CES3: variants seen among roughly 807,000 people sequenced by gnomAD.
CES3 encodes the protein carboxylesterase 3 (brain).
A neutral mutation model predicts 57.6 loss-of-function variants in CES3; 49 were observed. The ratio of observed to expected loss-of-function variants is 0.85; its 90% CI spans 0.68 to 1.08. The LOEUF (loss-of-function observed/expected upper bound fraction) is 1.08, where lower values mean the gene tolerates loss of function less well. Among genes scored for constraint, CES3 ranks in the 50% least tolerant of loss-of-function variants. CES3 has a pLI of 0.00. For synonymous variants in CES3, 266 were observed against 281.6 expected (o/e 0.94, Z 0.55); for missense variants, 645 against 742.0 (o/e 0.87, Z 1.52).
In CES3 at chr16:66,964,505, G is replaced by A. The variant is rs763462480; in HGVS notation, c.709G>A (p.Gly237Ser). ...GGSAGGSIIS[G>S]LVLSPVAAGL... The stretch of plus-strand genomic sequence containing the variant: ...ATCTGCCGGTGGGAGCATCATCTCT[G>A]GCCTGGTAAGTCACTATAGGGGGCT... Residue 237 changes from glycine to serine, a missense_variant, in exon 5 of 13, where the codon GGC (glycine) becomes AGC (serine). Physicochemically the swap from Gly to Ser is moderately conservative, Grantham distance 56. Transcript: ENST00000303334. 2.5e-6 allele frequency: 4 copies of A among 1,613,806 alleles called. No homozygotes were observed. The highest frequency in any genetic ancestry group is 3.4e-6 in the Non-Finnish European group (4 of 1,179,920).
Position 66,974,011 on chromosome 16 carries a change from C to T in CES3, c.*962C>T, listed in dbSNP as rs17617940. ...GGGAGGGCATCTGGACCAGGGCATCCGTCGGGCTATTGTCACAGAGAAAAG... is the reference window on the plus strand; with the variant it reads ...GGGAGGGCATCTGGACCAGGGCATCTGTCGGGCTATTGTCACAGAGAAAAG... On this transcript the variant is annotated 3_prime_UTR_variant, in exon 13 of 13. Coordinates refer to ENST00000303334, the MANE Select transcript of CES3 (RefSeq NM_024922.6). 8,586 of 152,372 alleles carry T rather than the reference C, an allele frequency of 0.056. 253 individuals are homozygous for T. The highest frequency in any genetic ancestry group is 0.07 in the African/African-American group (2,911 of 41,468). 9.4% of individuals were successfully genotyped at this position (152,372 alleles called of 1,614,324 possible).
Position 66,963,877 on chromosome 16 carries a change from T to C in CES3, c.502T>C (p.Tyr168His). The change falls in exon 4 of 13, where the codon TAT becomes CAT. Residue 168 changes from tyrosine (Y) to histidine (H), a missense_variant. Coordinates refer to ENST00000303334, the MANE Select transcript of CES3 (RefSeq NM_024922.6). This position sits in a 1 kb window ranked among gnomAD's most constrained non-coding sequence, Gnocchi z 4.9. ...CTACGATGGATCAGCTCTGGCTGCC[T>C]ATGGGGATGTGGTCGTGGTTACAGT... ...TSYDGSALAA[Y>H]GDVVVVTVQY... is the part of the protein sequence containing the mutation. 1 of 1,614,186 alleles carries C rather than the reference T, an allele frequency of 6.2e-7. No homozygotes were observed. Among genetic ancestry groups the C allele is most frequent in the Non-Finnish European group, 8.5e-7 (1 of 1,180,004 alleles).
chr16:66,963,579 G>A lies in CES3; in HGVS notation c.376G>A (p.Val126Ile), dbSNP rs1963684833. The A allele has an allele frequency of 6.2e-7, 1 of 1,614,194 alleles. No homozygotes were observed. The highest frequency in any genetic ancestry group is 1.3e-5 in the African/African-American group (1 of 75,060). ...QIFSVSEDCL[V>I]LNVYSPAEVP... ...CTTCTCCGTTTCAGAGGACTGCCTG[G>A]TCCTCAACGTCTATAGCCCAGCTGA... The change falls in exon 3 of 13, where the codon GTC (valine) becomes ATC (isoleucine). Residue 126 changes from valine (V) to isoleucine (I), a missense_variant. Val to Ile is a conservative substitution (Grantham distance 29). Coordinates refer to ENST00000303334, the MANE Select transcript of CES3 (RefSeq NM_024922.6). The surrounding 1 kb of genome is among the most constrained non-coding windows in gnomAD (Gnocchi z 4.9).
In CES3 at chr16:66,966,364, G is replaced by A. The variant is rs67674179; in HGVS notation, c.921+19G>A. ...GAAGCTGGTATGGCCACCCTTTTGG[G>A]GATGGTGCCGGGCAATGGCACAGAG... On this transcript the variant is annotated intron_variant, in intron 7 of 12. Coordinates refer to ENST00000303334, the MANE Select transcript of CES3 (RefSeq NM_024922.6). The A allele has an allele frequency of 0.052, 83,465 of 1,609,800 alleles. 2,404 individuals carry two copies. Among genetic ancestry groups the A allele is most frequent in the African/African-American group, 0.071 (5,333 of 74,966 alleles).
At chr16:66,972,212 G>C in intron 10 of CES3, 144 bp from the exon 11 acceptor site, 1 of 753,002 alleles carries the variant, frequency 1.3e-6, no homozygotes. Context: ...CCTAGCAAGC[G>C]CTCAGTAAAT....
Position 66,963,606 on chromosome 16 carries a change from G to A in CES3, c.403G>A (p.Val135Ile), listed in dbSNP as rs1963685234. ...LVLNVYSPAE[V>I]PAGSGRPVMV... The stretch of plus-strand genomic sequence containing the variant: ...CCTCAACGTCTATAGCCCAGCTGAG[G>A]TCCCCGCAGGGTCCGGTAGGCCGGT... The change falls in exon 3 of 13, where the codon GTC (valine) becomes ATC (isoleucine). Residue 135 changes from valine to isoleucine, a missense_variant. Transcript: ENST00000303334. This position sits in a 1 kb window ranked among gnomAD's most constrained non-coding sequence, Gnocchi z 4.9. 6 of 1,614,062 alleles carry A rather than the reference G, an allele frequency of 3.7e-6. No individual in the cohort carries two copies. Among genetic ancestry groups the A allele is most frequent in the African/African-American group, 1.3e-5 (1 of 74,930 alleles).
At chr16:66,971,441 T>C in intron 10 of CES3, 122 bp downstream of exon 10, 1 of 928,134 alleles carries the variant, frequency 1.1e-6, no homozygotes. Flanking sequence ...CACACCCCAC[T>C]GCCCCCCACC....
rs1487713716 is a variant in CES3, at chr16:66,963,730, T to C, written c.427-72T>C. 3.7e-6 allele frequency: 6 copies of C among 1,609,624 alleles called. No individual in the cohort carries two copies. Among genetic ancestry groups the C allele is most frequent in the African/African-American group, 1.3e-5 (1 of 74,826 alleles). On this transcript the variant is annotated intron_variant, in intron 3 of 12. Coordinates refer to ENST00000303334, the MANE Select transcript of CES3 (RefSeq NM_024922.6). The surrounding 1 kb of genome is among the most constrained non-coding windows in gnomAD (Gnocchi z 4.9). Reference sequence around the variant, plus strand: ...CAAAGCACCCTAGCGGTCCTGAGACTGCCTGGGCTGGCAGGTGGGCAGCTA... The same window carrying C: ...CAAAGCACCCTAGCGGTCCTGAGACCGCCTGGGCTGGCAGGTGGGCAGCTA...
chr16:66,971,159 C>T lies in CES3; in HGVS notation c.1144-13C>T, dbSNP rs988887253. ...GCACCCTGAGCAGGGCTGAGCCTGGCCTCTTGCCCCAGGATGTGCCCCCTG... is the reference window on the plus strand; with the variant it reads ...GCACCCTGAGCAGGGCTGAGCCTGGTCTCTTGCCCCAGGATGTGCCCCCTG... On this transcript the variant is annotated splice_polypyrimidine_tract_variant and intron_variant, in intron 9 of 12. Transcript: ENST00000303334. The T allele has an allele frequency of 2.5e-6, 4 of 1,609,128 alleles. No individual in the cohort carries two copies. The African/African-American group carries it at 4.0e-5, about 16-fold the overall frequency.
At position 66,963,658 on chromosome 16, in the gene CES3, T is replaced by G. The variant is rs1411288809; in HGVS notation, c.426+29T>G. 1 of 1,613,824 alleles carries G rather than the reference T, an allele frequency of 6.2e-7. No individual in the cohort carries two copies. On this transcript the variant is annotated intron_variant, in intron 3 of 12. Transcript: ENST00000303334. The surrounding 1 kb of genome is among the most constrained non-coding windows in gnomAD (Gnocchi z 4.9). ...GGCACCCCAGAGGGCCCTGTCCACC[T>G]GATCCAGCTCCACTATGCCTACCTG...
rs534080023 is a variant in CES3 at position 66,972,262 on chromosome 16, C to G, written c.1292-94C>G. 1.1e-5 allele frequency: 14 copies of G among 1,226,618 alleles called. 1 individual carries two copies. In the South Asian group the frequency reaches 1.2e-4, roughly 10 times the overall value. 76.0% of individuals were successfully genotyped at this position (1,226,618 alleles called of 1,614,324 possible). The stretch of plus-strand genomic sequence containing the variant: ...ATTTTATCATCATCATCATCATCAT[C>G]ATGGAAATTGGTGTTATTATGAGCA... On this transcript the variant is annotated intron_variant, in intron 10 of 12. Coordinates refer to ENST00000303334, the MANE Select transcript of CES3 (RefSeq NM_024922.6).
chr16:66,966,417 A>T, intron 7 of CES3, 72 bp downstream of exon 7: 1 of 1,464,116 alleles, frequency 6.8e-7, no homozygotes, highest in Non-Finnish European at 9.4e-7. Context: ...CTGCAGGAGC[A>T]GAGGGGCAGT....
At chr16:66,967,860 C>T (rs565785686) in intron 8 of CES3, 14 of 670,532 alleles carry the variant, frequency 2.1e-5, no homozygotes, top group African/African-American at 1.8e-4. Context: ...CTCTCAGGCC[C>T]GAGCAATCCT....
chr16:66,971,182 CT>C lies in CES3; in HGVS notation c.1155del (p.Glu386ArgfsTer2). 3 of 1,613,442 alleles carry C rather than the reference CT, an allele frequency of 1.9e-6. No individual in the cohort carries two copies. Among genetic ancestry groups the C allele is most frequent in the Middle Eastern group, 1.7e-4 (1 of 6,056 alleles). Reference sequence around the variant, plus strand: ...GGCCTCTTGCCCCAGGATGTGCCCCCTGAGATGATGCCCACCGTCATAGATG... The same window carrying C: ...GGCCTCTTGCCCCAGGATGTGCCCCCGAGATGATGCCCACCGTCATAGATG... Reference protein sequence around the residue: ...TPVLTSLDVPPEMMPTVIDEY... With the variant: ...TPVLTSLDVPXEMMPTVIDEY... On this transcript the variant is annotated frameshift_variant, in exon 10 of 13. Transcript: ENST00000303334. LOFTEE classifies it high-confidence loss of function.
chr16:66,961,352 G>A lies in CES3; in HGVS notation c.45G>A (p.Val15=). 6.2e-7 allele frequency: 1 copy of A among 1,613,604 alleles called. No homozygotes were observed. The highest frequency in any genetic ancestry group is 8.5e-7 in the Non-Finnish European group (1 of 1,179,846). Residue 15 remains valine, a synonymous_variant, in exon 1 of 13, where the codon GTG becomes GTA. Coordinates refer to ENST00000303334, the MANE Select transcript of CES3 (RefSeq NM_024922.6). ...TGGAGTCCGGGGTCCTGGTCGGGGT[G>A]GTCTGTCTGCTCCTGGCATGCCCTG... The part of the protein sequence containing the change: ...VRVESGVLVG[V]VCLLLACPAT...
At chr16:66,965,424 G>A (rs535683000) in intron 6 of CES3, among the ~76,000 whole-genome samples, 4 of 152,214 alleles carry the variant, frequency 2.6e-5, no homozygotes, top group African/African-American at 9.6e-5. Context: ...AGCCATCGGG[G>A]AGAGAGGGGG....
chr16:66,962,580 G>A (rs528438490), intron 1 of CES3, among the ~76,000 whole-genome samples: 5 of 152,138 alleles, frequency 3.3e-5, no homozygotes, highest in African/African-American at 1.2e-4. Context: ...GCAACATAAT[G>A]AGACCCCATC....
intron 8 of CES3, chr16:66,967,686 T>C (rs1963755990): frequency 6.2e-6 from 1 of 162,484 alleles, no homozygotes. Context: ...TTCACTTTTC[T>C]TTTTTTTTTT....
At position 66,972,667 on chromosome 16, in the gene CES3, G is replaced by A. The variant is rs148774988; in HGVS notation, c.1442-1G>A. ...CAGTTCTGTCCCTCTCACCTTTCCA[G>A]CCTTTCCAGAGGCCACAGAGGAGGA... On this transcript the variant is annotated splice_acceptor_variant, in intron 11 of 12. Transcript: ENST00000303334. LOFTEE classifies it high-confidence loss of function. The A allele has an allele frequency of 5.7e-5, 92 of 1,614,170 alleles. No homozygotes were observed. In the African/African-American group the frequency reaches 1.1e-3, roughly 19 times the overall value.
Sources: gnomAD v4.1 joint callset for allele counts (sites outside exome capture counted in the v4.1 genomes callset) on GRCh38, gnomAD v4.1.1 for gene constraint, Gnocchi (gnomAD v3.1) non-coding constraint, MANE v1.5 for transcripts, NCBI Gene and HGNC (gene_info 2026-07-23, HGNC 2026-07-21) for gene names.